The following SEZ6L variants were observed in gnomAD, a reference collection of about 807,000 sequenced individuals.
The protein encoded by SEZ6L is seizure 6-like protein.
Under a neutral mutation model 106.2 loss-of-function variants are expected in SEZ6L, and 37 were observed. The observed-to-expected ratio is 0.35, with a 90% CI of 0.27 to 0.46. SEZ6L has a LOEUF of 0.46. Ranked by LOEUF, SEZ6L falls within the 20% of genes least tolerant of loss-of-function variation. SEZ6L has a pLI of 1.00. For missense variants in SEZ6L, 1,172 were observed against 1,332.8 expected (o/e 0.88, Z 1.88); for synonymous variants, 541 against 570.4 (o/e 0.95, Z 0.73).
intron 1 of SEZ6L, among the ~76,000 whole-genome samples, chr22:26,181,787 T>G (rs1053448217): frequency 2.0e-5 from 3 of 152,182 alleles, no homozygotes; most frequent in African/African-American, 7.2e-5. Context: ...ATATGTAATA[T>G]ATAATAACAT....
At chr22:26,370,881 G>A (rs1299113195) in intron 13 of SEZ6L, among the ~76,000 whole-genome samples, 3 of 151,822 alleles carry the variant, frequency 2.0e-5, no homozygotes, top group Non-Finnish European at 4.4e-5. Context: ...ACACACTCCT[G>A]TAGTCCCAAC....
chr22:26,337,321 T>G (rs78819795), intron 9 of SEZ6L, among the ~76,000 whole-genome samples: 5,525 of 152,290 alleles, frequency 0.036, 334 homozygotes, highest in African/African-American at 0.13. Flanking sequence ...CCCTTGAAGA[T>G]GCTGCTACTG....
intron 13 of SEZ6L, among the ~76,000 whole-genome samples, chr22:26,367,510 A>C (rs932740138): frequency 6.6e-6 from 1 of 151,810 alleles, no homozygotes; most frequent in Non-Finnish European, 1.5e-5. Flanking sequence ...CGCCCAGCTA[A>C]ATTTTTTTAT....
chr22:26,185,060 A>G (rs1939679206), intron 1 of SEZ6L, among the ~76,000 whole-genome samples: 1 of 152,214 alleles, frequency 6.6e-6, no homozygotes, highest in African/African-American at 2.4e-5. Flanking sequence ...CTCCAGCCTG[A>G]GCAACAGAGC....
chr22:26,243,374 A>G (rs941136892), intron 1 of SEZ6L, among the ~76,000 whole-genome samples: 1 of 152,234 alleles, frequency 6.6e-6, no homozygotes, highest in African/African-American at 2.4e-5. Flanking sequence ...TAAGCAGGAA[A>G]AGCCTCTGTG....
At chr22:26,276,171 T>C (rs1446256387) in intron 1 of SEZ6L, among the ~76,000 whole-genome samples, 1 of 152,252 alleles carries the variant, frequency 6.6e-6, no homozygotes, top group Non-Finnish European at 1.5e-5. Flanking sequence ...ATGAGACCAA[T>C]TAAGCCTTGC....
intron 1 of SEZ6L, among the ~76,000 whole-genome samples, chr22:26,238,707 G>T (rs2079024177): frequency 6.6e-6 from 1 of 152,186 alleles, no homozygotes; most frequent in Non-Finnish European, 1.5e-5. Flanking sequence ...TGAGATGATA[G>T]GTCCTATTTT....
chr22:26,188,212 C>A (rs1939930433), intron 1 of SEZ6L, among the ~76,000 whole-genome samples: 1 of 152,188 alleles, frequency 6.6e-6, no homozygotes, highest in African/African-American at 2.4e-5. Flanking sequence ...TTGGAGTACC[C>A]ATATCCACTT....
In SEZ6L at chr22:26,340,179, C is replaced by T. The variant is rs5997070; in HGVS notation, c.2016-257C>T. Among the ~76,000 whole-genome samples the T allele has an allele frequency of 6.9e-3, 1,056 of 152,050 alleles. 11 individuals carry two copies. Among genetic ancestry groups the T allele is most frequent in the African/African-American group, 0.024 (1,004 of 41,490 alleles). ...TGAACCTGGAAGGCAGAGATTGCAG[C>T]GAGCTGAGAGTGCCACTGCACTCTA... is the stretch of plus-strand genomic sequence containing the variant. On this transcript the variant is annotated intron_variant, in intron 9 of 16. Coordinates refer to ENST00000248933, the MANE Select transcript of SEZ6L (RefSeq NM_021115.5).
At chr22:26,271,168 C>T (rs2080352651) in intron 1 of SEZ6L, among the ~76,000 whole-genome samples, 1 of 152,134 alleles carries the variant, frequency 6.6e-6, no homozygotes, top group African/African-American at 2.4e-5. Context: ...AGGATAGGAA[C>T]TATAGAACAG....
In SEZ6L at chr22:26,369,371, G is replaced by C. The variant is rs941936417; in HGVS notation, c.2794+3805G>C. On this transcript the variant is annotated intron_variant, in intron 13 of 16. Coordinates refer to ENST00000248933, the MANE Select transcript of SEZ6L (RefSeq NM_021115.5). ...GTTTTTTTTTTTGAGACAGATTCTC[G>C]CTCTGTCCCCCAGGCTGGAGTGCAG... Among the ~76,000 whole-genome samples the C allele has an allele frequency of 6.7e-5, 3 of 44,492 alleles. 1 individual carries two copies. Among genetic ancestry groups the C allele is most frequent in the South Asian group, 1.8e-3 (1 of 546 alleles). 29.2% of individuals were successfully genotyped at this position (44,492 alleles called of 152,430 possible).
chr22:26,186,871 T>C (rs1426778866), intron 1 of SEZ6L, among the ~76,000 whole-genome samples: 2 of 152,096 alleles, frequency 1.3e-5, no homozygotes, highest in East Asian at 3.9e-4. Context: ...TTCTCAGCTG[T>C]GCTTAGGAGC....
intron 5 of SEZ6L, among the ~76,000 whole-genome samples, chr22:26,301,128 G>C (rs1209720354): frequency 6.6e-6 from 1 of 152,204 alleles, no homozygotes; most frequent in Non-Finnish European, 1.5e-5. Flanking sequence ...TTGCAGATGA[G>C]GCTCATGTAG....
chr22:26,222,630 A>T (rs2078510263), intron 1 of SEZ6L, among the ~76,000 whole-genome samples: 1 of 152,216 alleles, frequency 6.6e-6, no homozygotes, highest in Non-Finnish European at 1.5e-5. Flanking sequence ...GAACAGCAAA[A>T]TCCTCTGGTG....
At chr22:26,208,710 A>G (rs1316401711) in intron 1 of SEZ6L, among the ~76,000 whole-genome samples, 4 of 151,998 alleles carry the variant, frequency 2.6e-5, no homozygotes, top group Non-Finnish European at 5.9e-5. Context: ...AGTTTTCTTC[A>G]TATTTATCCT....
intron 1 of SEZ6L, among the ~76,000 whole-genome samples, chr22:26,253,571 C>T (rs1373569920): frequency 7.9e-5 from 12 of 152,134 alleles, no homozygotes; most frequent in Non-Finnish European, 1.5e-5. Context: ...AAAATAGATG[C>T]CCAGAAAATG....
In SEZ6L at chr22:26,209,983, A is replaced by AAGGAAGGG. The variant is rs1338804245; in HGVS notation, c.94+40228_94+40235dup. ...AAAGGGAGAGAGGGAGGGAGGAAGG[A>AAGGAAGGG]AGGAAGGGAGGAAGGAAGGAAGAAG... On this transcript the variant is annotated intron_variant, in intron 1 of 16. Coordinates refer to ENST00000248933, the MANE Select transcript of SEZ6L (RefSeq NM_021115.5). Among the ~76,000 whole-genome samples, 90 of 150,990 alleles carry AAGGAAGGG rather than the reference A, an allele frequency of 6.0e-4. 1 individual carries two copies. The highest frequency in any genetic ancestry group is 1.9e-3 in the African/African-American group (78 of 41,060).
chr22:26,303,457 A>G (rs1292726376), intron 5 of SEZ6L, among the ~76,000 whole-genome samples: 1 of 152,226 alleles, frequency 6.6e-6, no homozygotes, highest in African/African-American at 2.4e-5. Flanking sequence ...AGCAACTACT[A>G]TATGCCATAT....
intron 1 of SEZ6L, among the ~76,000 whole-genome samples, chr22:26,290,559 A>AAAATG (rs1309547088): frequency 6.6e-6 from 1 of 152,164 alleles, no homozygotes; most frequent in Non-Finnish European, 1.5e-5. Flanking sequence ...AAAATAAAAT[A>AAAATG]AAATGACTAA....
Sources: allele counts gnomAD v4.1 joint callset (sites outside exome capture counted in the v4.1 genomes callset), GRCh38; gene constraint gnomAD v4.1.1; transcripts MANE v1.5; gene names NCBI Gene and HGNC (gene_info 2026-07-23, HGNC 2026-07-21).